Variants in RP2 observed in about 807,000 individuals in gnomAD.
The protein encoded by RP2 is RP2 activator of ARL3 GTPase, also known as protein XRP2.
RP2 carries 3 observed loss-of-function variants against 20.3 expected under a neutral mutation model. The ratio of observed to expected loss-of-function variants is 0.15; its 90% confidence interval spans 0.07 to 0.38. RP2 has a LOEUF of 0.38. RP2 is among the 10% of genes least tolerant of loss of function. The pLI, the probability that RP2 is intolerant of heterozygous loss-of-function variation, is 1.00. For synonymous variants in RP2, 75 were observed against 94.8 expected, an observed-to-expected ratio of 0.79 and a Z score of 1.22; for missense variants, 233 against 268.5, an observed-to-expected ratio of 0.87 and a Z score of 0.92.
Position 46,847,765 on chromosome X carries a change from CATGTGTGTGTGTACATACACACAT to C in RP2, c.103-5710_103-5687del, listed in dbSNP as rs1213276125. On this transcript the variant is annotated intron_variant, in intron 1 of 4. Transcript: ENST00000218340. ...ACATATGTGTGTGTGTATATACACA[CATGTGTGTGTGTACATACACACAT>C]GTGTGTGTGTATATATATACACACA... Among the ~76,000 whole-genome samples the C allele has an allele frequency of 3.1e-3, 245 of 78,406 alleles. 1 individual carries two copies. Among genetic ancestry groups the C allele is most frequent in the African/African-American group, 0.011 (193 of 18,219 alleles). The allele number at this position is 78,406 out of a possible 115,157, so 68.1% of individuals were successfully genotyped here.
In RP2 at chrX:46,863,417, G is replaced by T. The variant is rs183971242; in HGVS notation, c.883+3315G>T. Among the ~76,000 whole-genome samples the T allele has an allele frequency of 3.4e-3, 379 of 112,272 alleles. 1 individual carries two copies. The highest frequency in any genetic ancestry group is 5.6e-3 in the Non-Finnish European group (299 of 53,265). Reference sequence around the variant, plus strand: ...TCTTTCAATTCTTCTATAATGTATAGAAATTTTCAAAATAAAAAGTTGGGG... The same window carrying T: ...TCTTTCAATTCTTCTATAATGTATATAAATTTTCAAAATAAAAAGTTGGGG... On this transcript the variant is annotated intron_variant, in intron 3 of 4. Transcript: ENST00000218340.
chrX:46,843,579 G>A (rs1267881499), intron 1 of RP2, among the ~76,000 whole-genome samples: 1 of 111,670 alleles, frequency 9.0e-6, no homozygotes, highest in African/African-American at 3.3e-5. Flanking sequence ...ATGAGGGGAG[G>A]TAAGCATTGC....
chrX:46,858,601 G>T (rs1326390714), intron 2 of RP2, among the ~76,000 whole-genome samples: 1 of 109,611 alleles, frequency 9.1e-6, no homozygotes, highest in Non-Finnish European at 1.9e-5. Context: ...CTCCTGAGTA[G>T]CTAGGACTAC....
At chrX:46,878,943 G>A (rs1470661059) in intron 4 of RP2, among the ~76,000 whole-genome samples, 2 of 108,922 alleles carry the variant, frequency 1.8e-5, no homozygotes, top group Non-Finnish European at 3.8e-5. Flanking sequence ...AAAAATAACA[G>A]GCTGGGTGTG....
At position 46,853,540 on chromosome X, in the gene RP2, C is replaced by A; in HGVS notation, c.167C>A (p.Thr56Lys). 1 of 1,210,480 alleles carries A rather than the reference C, an allele frequency of 8.3e-7. No homozygotes were observed. Among genetic ancestry groups the A allele is most frequent in the East Asian group, 3.0e-5 (1 of 33,815 alleles). ...KDETVGRLPG[T>K]VAGQQFLIQD... Reference sequence around the variant, plus strand: ...GAAACAGTAGGTCGCTTACCTGGGACGGTAGCAGGACAACAGTTTCTCATT... The same window carrying A: ...GAAACAGTAGGTCGCTTACCTGGGAAGGTAGCAGGACAACAGTTTCTCATT... Residue 56 changes from threonine (T) to lysine (K), a missense_variant, in exon 2 of 5, where the codon ACG (threonine) becomes AAG (lysine). Thr to Lys is a moderately conservative substitution (Grantham distance 78). Around this residue, in one of 3 missense-constraint regions of RP2, gnomAD observed 77 missense variants for 71.8 expected, o/e 1.07. Coordinates refer to ENST00000218340, the MANE Select transcript of RP2 (RefSeq NM_006915.3).
chrX:46,880,356 C>G lies in RP2; in HGVS notation c.*587C>G. ...TTTAAAGAAATAGGCATTTGATAACCAGCTTGGCAAGTAACTCTACTAACA... is the reference window on the plus strand; with the variant it reads ...TTTAAAGAAATAGGCATTTGATAACGAGCTTGGCAAGTAACTCTACTAACA... On this transcript the variant is annotated 3_prime_UTR_variant, in exon 5 of 5. Coordinates refer to ENST00000218340, the MANE Select transcript of RP2 (RefSeq NM_006915.3). The G allele has an allele frequency of 8.9e-6, 1 of 112,250 alleles. No individual in the cohort carries two copies. Among genetic ancestry groups the G allele is most frequent in the Middle Eastern group, 4.6e-3 (1 of 217 alleles). 9.3% of individuals were successfully genotyped at this position (112,250 alleles called of 1,213,427 possible).
intron 2 of RP2, among the ~76,000 whole-genome samples, chrX:46,854,347 A>T (rs1924918633): frequency 8.9e-6 from 1 of 112,055 alleles, no homozygotes; most frequent in Non-Finnish European, 1.9e-5. Context: ...ACTTTTAAAA[A>T]ATATAATTCA....
intron 2 of RP2, among the ~76,000 whole-genome samples, 176 bp from the exon 3 acceptor site, chrX:46,859,808 TAAGA>T: frequency 8.9e-6 from 1 of 112,393 alleles, no homozygotes; most frequent in Admixed American, 9.5e-5. Flanking sequence ...CACCCATCTG[TAAGA>T]AAGAATCTCA....
chrX:46,837,841 G>A (rs1456634178), intron 1 of RP2, among the ~76,000 whole-genome samples: 2 of 112,329 alleles, frequency 1.8e-5, no homozygotes, highest in African/African-American at 6.5e-5. Flanking sequence ...TATTAAGACT[G>A]TAAGGTGAAA....
In RP2 at chrX:46,853,991, G is replaced by A; in HGVS notation, c.618G>A (p.Glu206=). The change falls in exon 2 of 5, where the codon GAG becomes GAA. Residue 206 remains glutamate, a synonymous_variant. Coordinates refer to ENST00000218340, the MANE Select transcript of RP2 (RefSeq NM_006915.3). ...ATGTTCCTATACCTACTACCGAAGA[G>A]CTCAAAGCTGTTCGTGTTTCCACAG... ...QDYVPIPTTE[E]LKAVRVSTEA... The A allele has an allele frequency of 8.3e-7, 1 of 1,211,879 alleles. No individual in the cohort carries two copies.
At position 46,853,736 on chromosome X, in the gene RP2, T is replaced by C. The variant is rs782738337; in HGVS notation, c.363T>C (p.Asp121=). 1.2e-5 allele frequency: 15 copies of C among 1,210,449 alleles called. No individual in the cohort carries two copies. Among genetic ancestry groups the C allele is most frequent in the East Asian group, 3.0e-5 (1 of 33,804 alleles). ...TLACQQFRVR[D]CRKLEVFLCC... ...CCTGCCAACAATTTCGTGTGCGAGA[T>C]TGTAGAAAGCTGGAAGTCTTTTTGT... Residue 121 remains aspartate, a synonymous_variant, in exon 2 of 5, where the codon GAT becomes GAC. Transcript: ENST00000218340.
chrX:46,847,579 C>T (rs1340992733), intron 1 of RP2, among the ~76,000 whole-genome samples: 6 of 104,094 alleles, frequency 5.8e-5, no homozygotes, highest in African/African-American at 1.8e-4. Context: ...TATATATATA[C>T]ATACATATAC....
intron 3 of RP2, among the ~76,000 whole-genome samples, chrX:46,867,381 G>A (rs1338411246): frequency 9.7e-5 from 11 of 112,942 alleles, no homozygotes; most frequent in Non-Finnish European, 1.7e-4. Context: ...GATTACAGGC[G>A]TGAGCCACCG....
At chrX:46,870,032 A>G (rs1925262161) in intron 3 of RP2, among the ~76,000 whole-genome samples, 1 of 112,364 alleles carries the variant, frequency 8.9e-6, no homozygotes, top group Non-Finnish European at 1.9e-5. Flanking sequence ...CTTATCTAAC[A>G]CATTTTCTCA....
Position 46,880,521 on chromosome X carries a change from CTG to C in RP2, c.*754_*755del. 1 of 111,648 alleles carries C rather than the reference CTG, an allele frequency of 9.0e-6. No homozygotes were observed. The highest frequency in any genetic ancestry group is 3.7e-4 in the South Asian group (1 of 2,712). 9.2% of individuals were successfully genotyped at this position (111,648 alleles called of 1,213,427 possible). ...AGAAAAGGTATATGCAATGCTAAAA[CTG>C]TAGAAGCCCAATCACCAGCAGTTTT... is the stretch of plus-strand genomic sequence containing the variant. On this transcript the variant is annotated 3_prime_UTR_variant, in exon 5 of 5. Coordinates refer to ENST00000218340, the MANE Select transcript of RP2 (RefSeq NM_006915.3).
At position 46,853,945 on chromosome X, in the gene RP2, A is replaced by G; in HGVS notation, c.572A>G (p.Glu191Gly). The change falls in exon 2 of 5, where the codon GAA becomes GGA. Residue 191 changes from glutamate (E) to glycine (G), a missense_variant. By Grantham distance (98) the Glu-to-Gly change is moderately conservative. Coordinates refer to ENST00000218340, the MANE Select transcript of RP2 (RefSeq NM_006915.3). Reference protein sequence around the residue: ...SGELNWSLLPEDAVVQDYVPI... With the variant: ...SGELNWSLLPGDAVVQDYVPI... ...GAACTCAACTGGAGCCTTCTTCCAG[A>G]AGATGCTGTGGTTCAGGACTATGTT... The G allele has an allele frequency of 8.3e-7, 1 of 1,211,894 alleles. No individual in the cohort carries two copies.
Position 46,853,591 on chromosome X carries a change from A to G in RP2, c.218A>G (p.Tyr73Cys). 1.8e-5 allele frequency: 22 copies of G among 1,211,135 alleles called. No individual in the cohort carries two copies. The highest frequency in any genetic ancestry group is 2.3e-5 in the Non-Finnish European group (21 of 895,136). ...LIQDCENCNI[Y>C]IFDHSATVTI... ...CAAGACTGTGAGAACTGTAACATCT[A>G]TATTTTTGATCACTCTGCTACAGTT... The change falls in exon 2 of 5, where the codon TAT (tyrosine) becomes TGT (cysteine). Residue 73 changes from tyrosine to cysteine, a missense_variant. Tyr to Cys is a radical substitution (Grantham distance 194). Around this residue, in one of 3 missense-constraint regions of RP2, gnomAD observed 77 missense variants for 71.8 expected, o/e 1.07. Transcript: ENST00000218340.
intron 1 of RP2, among the ~76,000 whole-genome samples, chrX:46,847,765 CATGT>C (rs1253909466): frequency 6.4e-5 from 5 of 78,424 alleles, no homozygotes; most frequent in African/African-American, 1.6e-4. Context: ...TATATACACA[CATGT>C]GTGTGTGTAC....
chrX:46,881,405 C>T lies in RP2; in HGVS notation c.*1636C>T, dbSNP rs1380380295. On this transcript the variant is annotated 3_prime_UTR_variant, in exon 5 of 5. Transcript: ENST00000218340. ...ATGATCTTTGCAAATAGTGGTCAGA[C>T]GGCATTAGTTTTTCCCTTAGTTAAG... 9.0e-6 allele frequency: 1 copy of T among 111,060 alleles called. No homozygotes were observed. The highest frequency in any genetic ancestry group is 1.9e-5 in the Non-Finnish European group (1 of 52,998). 9.2% of individuals were successfully genotyped at this position (111,060 alleles called of 1,213,427 possible). A position where few individuals can be genotyped will look rare whatever the true frequency, so the allele number is the denominator to read the frequency against.
Sources: gnomAD v4.1 joint callset for allele counts (sites outside exome capture counted in the v4.1 genomes callset) on GRCh38, gnomAD v4.1.1 for gene constraint, gnomAD v4.1.1 regional missense constraint, MANE v1.5 for transcripts, NCBI Gene and HGNC (gene_info 2026-07-23, HGNC 2026-07-21) for gene names.